Variants in CD4 observed in about 807,000 individuals in gnomAD.
CD4 encodes CD4 molecule, also known as T-cell surface glycoprotein CD4.
A neutral mutation model predicts 50.5 loss-of-function variants in CD4; 25 were observed. The observed-to-expected ratio is 0.49, with a 90% CI of 0.36 to 0.69. The LOEUF is 0.69. Among genes scored for constraint, CD4 ranks in the 30% least tolerant of loss-of-function variants. The probability of loss-of-function intolerance (pLI) is 0.00; values close to 1 mark genes in which losing one functional copy is unlikely to be tolerated. For missense variants in CD4, 456 were observed against 548.5 expected, an observed-to-expected ratio of 0.83 and a Z score of 1.68; for synonymous variants, 207 against 221.9, an observed-to-expected ratio of 0.93 and a Z score of 0.60.
rs546443726 is a variant in CD4, at chr12:6,790,527, G to A, written c.-68+865G>A. On this transcript the variant is annotated intron_variant, in intron 1 of 9. Coordinates refer to ENST00000011653, the MANE Select transcript of CD4 (RefSeq NM_000616.5). ...TAGATAAATATGTCATTTAAGAAAC[G>A]GATTCGAAAAGAATTGGTGGTAGGG... Among the ~76,000 whole-genome samples the A allele has an allele frequency of 1.9e-4, 29 of 152,306 alleles. No homozygotes were observed. In the South Asian group the frequency reaches 5.6e-3, roughly 29 times the overall value.
intron 1 of CD4, among the ~76,000 whole-genome samples, chr12:6,793,618 C>T (rs1942239084): frequency 6.6e-6 from 1 of 151,842 alleles, no homozygotes; most frequent in Non-Finnish European, 1.5e-5. Flanking sequence ...CTTCCTACTT[C>T]CCCGGTTTAA....
At position 6,818,091 on chromosome 12, in the gene CD4, C is replaced by T. The variant is rs1022230372; in HGVS notation, c.1157-330C>T. Among the ~76,000 whole-genome samples the T allele has an allele frequency of 9.2e-5, 4 of 43,642 alleles. No individual in the cohort carries two copies. Among genetic ancestry groups the T allele is most frequent in the Admixed American group, 6.1e-4 (2 of 3,294 alleles). 28.6% of individuals were successfully genotyped at this position (43,642 alleles called of 152,430 possible). ...ACACATTCACACATGGACTCACACG[C>T]GCACACGCGCGCACACACACACATT... is the stretch of plus-strand genomic sequence containing the variant. On this transcript the variant is annotated intron_variant, in intron 7 of 9. Transcript: ENST00000011653. The surrounding 1 kb of genome is among the most constrained non-coding windows in gnomAD (Gnocchi z 5.0).
At chr12:6,799,077 G>A (rs1555114778) in intron 1 of CD4, 1 of 152,208 alleles carries the variant, frequency 6.6e-6, no homozygotes, top group East Asian at 1.9e-4. Flanking sequence ...ATTTCGTGGT[G>A]TGTATCTCAG....
At chr12:6,800,260 G>A (rs1555115010) in intron 2 of CD4, 47 bp from the exon 3 acceptor site, 5 of 1,612,602 alleles carry the variant, frequency 3.1e-6, no homozygotes, top group Admixed American at 3.3e-5. Flanking sequence ...TGGGGTAGAG[G>A]GGGACAGCGG....
chr12:6,819,791 G>A lies in CD4; in HGVS notation c.*462G>A, dbSNP rs1943221549. 2 of 173,388 alleles carry A rather than the reference G, an allele frequency of 1.2e-5. No homozygotes were observed. Among genetic ancestry groups the A allele is most frequent in the Admixed American group, 5.9e-5 (1 of 17,066 alleles). 10.7% of individuals were successfully genotyped at this position (173,388 alleles called of 1,614,324 possible). Reference sequence around the variant, plus strand: ...AGTCAAGGATGGATGCAGATCCAGAGGTTTCTGGCAGCCAGTACCTCCTGC... The same window carrying A: ...AGTCAAGGATGGATGCAGATCCAGAAGTTTCTGGCAGCCAGTACCTCCTGC... On this transcript the variant is annotated 3_prime_UTR_variant, in exon 10 of 10. Coordinates refer to ENST00000011653, the MANE Select transcript of CD4 (RefSeq NM_000616.5).
At position 6,791,010 on chromosome 12, in the gene CD4, G is replaced by T. The variant is rs183581854; in HGVS notation, c.-68+1348G>T. 4.9e-3 allele frequency among the ~76,000 whole-genome samples: 742 copies of T among 152,258 alleles called. 1 individual carries two copies. The highest frequency in any genetic ancestry group is 9.2e-3 in the Non-Finnish European group (626 of 68,016). ...TGTAGGCTGATACAAAATGGCCGCC[G>T]CCCTCAAAGTCAGATGAAAGAGCCC... On this transcript the variant is annotated intron_variant, in intron 1 of 9. Transcript: ENST00000011653.
chr12:6,793,685 TATCTATCTATCTATCTA>T (rs1165938122), intron 1 of CD4, among the ~76,000 whole-genome samples: 1,490 of 101,444 alleles, frequency 0.015, 42 homozygotes, highest in African/African-American at 0.053. Context: ...TCTATCTATC[TATCTATCTATCTATCTA>T]TCTTTTTTTT....
intron 3 of CD4, among the ~76,000 whole-genome samples, chr12:6,813,754 C>T (rs1169668441): frequency 6.6e-6 from 1 of 152,148 alleles, no homozygotes; most frequent in Non-Finnish European, 1.5e-5. Flanking sequence ...ATTACTTAAT[C>T]TCAATATGTG....
chr12:6,793,664 CT>C (rs1260932312), intron 1 of CD4, among the ~76,000 whole-genome samples: 7 of 83,476 alleles, frequency 8.4e-5, no homozygotes, highest in African/African-American at 1.0e-4. Context: ...ATCTATCTAT[CT>C]ATCTATCTAT....
In CD4 at chr12:6,789,606, C is replaced by G. The variant is rs2137820346; in HGVS notation, c.-124C>G. On this transcript the variant is annotated 5_prime_UTR_variant, in exon 1 of 10. Transcript: ENST00000011653. ...GGCTCCTGGTTGCAGAGCTCCAAGT[C>G]CTCACACAGATACGCCTGTTTGAGA... 1 of 152,360 alleles carries G rather than the reference C, an allele frequency of 6.6e-6. No individual in the cohort carries two copies. Among genetic ancestry groups the G allele is most frequent in the Non-Finnish European group, 1.5e-5 (1 of 68,058 alleles). 9.4% of individuals were successfully genotyped at this position (152,360 alleles called of 1,614,324 possible).
Position 6,818,833 on chromosome 12 carries a change from T to C in CD4, c.1279-14T>C. The C allele has an allele frequency of 6.2e-7, 1 of 1,612,812 alleles. No homozygotes were observed. ...CCTGGGACCCTCGTGACTCCCTTTCTTGTCCCTGGACAGCGCCAAGCAGAG... is the reference window on the plus strand; with the variant it reads ...CCTGGGACCCTCGTGACTCCCTTTCCTGTCCCTGGACAGCGCCAAGCAGAG... On this transcript the variant is annotated splice_polypyrimidine_tract_variant and intron_variant, in intron 8 of 9. Transcript: ENST00000011653. This position sits in a 1 kb window ranked among gnomAD's most constrained non-coding sequence, Gnocchi z 5.0.
chr12:6,819,314 A>C lies in CD4; in HGVS notation c.1362A>C (p.Thr454=). ...GTTCCTGCAGCCGGTTTCAGAAGAC[A>C]TGTAGCCCCATTTGAGGCACGAGGC... ...TCQCPHRFQK[T]CSPI Residue 454 remains threonine, a synonymous_variant, in exon 10 of 10, where the codon ACA becomes ACC. Coordinates refer to ENST00000011653, the MANE Select transcript of CD4 (RefSeq NM_000616.5). 1.9e-6 allele frequency: 3 copies of C among 1,614,150 alleles called. No homozygotes were observed.
At chr12:6,817,361 C>T (rs781936005) in intron 7 of CD4, 31 bp downstream of exon 7, 2 of 1,539,568 alleles carry the variant, frequency 1.3e-6, no homozygotes, top group Admixed American at 2.0e-5. Flanking sequence ...GCCTCTGCCT[C>T]CTGGGCTGCG....
At chr12:6,794,006 C>CTATCT (rs77524161) in intron 1 of CD4, among the ~76,000 whole-genome samples, 1 of 92,616 alleles carries the variant, frequency 1.1e-5, no homozygotes. Context: ...ATCTATCTAT[C>CTATCT]ACCTATCTAT....
chr12:6,795,757 C>G (rs540387151), intron 1 of CD4, among the ~76,000 whole-genome samples: 1 of 152,206 alleles, frequency 6.6e-6, no homozygotes, highest in Non-Finnish European at 1.5e-5. Flanking sequence ...GAAAATATGC[C>G]CAGGGCAGGG....
intron 3 of CD4, among the ~76,000 whole-genome samples, chr12:6,807,625 G>C (rs1342017359): frequency 1.3e-5 from 2 of 152,154 alleles, no homozygotes; most frequent in Non-Finnish European, 2.9e-5. Flanking sequence ...CGCCGGAAAT[G>C]TTCTGTATTC....
chr12:6,820,401 AC>A lies in CD4; in HGVS notation c.*1075del, dbSNP rs1943237063. The A allele has an allele frequency of 6.6e-6, 1 of 152,306 alleles. No individual in the cohort carries two copies. The highest frequency in any genetic ancestry group is 2.4e-5 in the African/African-American group (1 of 41,456). 9.4% of individuals were successfully genotyped at this position (152,306 alleles called of 1,614,324 possible). On this transcript the variant is annotated 3_prime_UTR_variant, in exon 10 of 10. Coordinates refer to ENST00000011653, the MANE Select transcript of CD4 (RefSeq NM_000616.5). ...GAGAATGCCCAGTGACCAGTCACTG[AC>A]CCTGTGCAGAACCTCCTGGAAGCGA...
chr12:6,817,778 ACT>A (rs60356284), intron 7 of CD4, among the ~76,000 whole-genome samples: 6,401 of 145,426 alleles, frequency 0.044, 416 homozygotes, highest in African/African-American at 0.15. Flanking sequence ...ACACATCCAC[ACT>A]CACACCCACA....
intron 4 of CD4, 62 bp downstream of exon 4, chr12:6,814,362 C>T: frequency 2.0e-6 from 3 of 1,533,252 alleles, no homozygotes; most frequent in Non-Finnish European, 2.7e-6. Flanking sequence ...ACTACTCCCA[C>T]CCCTGCACCA....
Sources: allele counts gnomAD v4.1 joint callset (sites outside exome capture counted in the v4.1 genomes callset), GRCh38; gene constraint gnomAD v4.1.1; non-coding constraint Gnocchi (gnomAD v3.1); transcripts MANE v1.5; gene names NCBI Gene and HGNC (gene_info 2026-07-23, HGNC 2026-07-21).